Variants in SLC1A3 observed in about 807,000 individuals in gnomAD.
SLC1A3 encodes the protein excitatory amino acid transporter 1.
Under a neutral mutation model 48.1 loss-of-function variants are expected in SLC1A3, and 21 were observed. The observed-to-expected ratio is 0.44, with a 90% confidence interval of 0.31 to 0.63. The LOEUF (loss-of-function observed/expected upper bound fraction) is 0.63. SLC1A3 is among the 20% of genes least tolerant of loss of function. The pLI is 0.08. For synonymous variants in SLC1A3, 239 were observed against 251.4 expected, an observed-to-expected ratio of 0.95 and a Z score of 0.47; for missense variants, 546 against 689.0, an observed-to-expected ratio of 0.79 and a Z score of 2.32.
chr5:36,667,452 C>T (rs1741796230), intron 3 of SLC1A3, among the ~76,000 whole-genome samples: 1 of 152,174 alleles, frequency 6.6e-6, no homozygotes, highest in African/African-American at 2.4e-5. Flanking sequence ...ACATGGGTGA[C>T]TCCTGGCTTG....
rs547233925 is a variant in SLC1A3 at position 36,627,255 on chromosome 5, T to A, written c.182-2195T>A. Among the ~76,000 whole-genome samples, 10 of 152,332 alleles carry A rather than the reference T, an allele frequency of 6.6e-5. No individual in the cohort carries two copies. In the South Asian group the frequency reaches 1.7e-3, roughly 25 times the overall value. On this transcript the variant is annotated intron_variant, in intron 2 of 9. Transcript: ENST00000265113. ...AGGAAAAATAGTCAACATCATTAGA[T>A]GTTAAGTAAATACAAAATAAAACAA...
At chr5:36,630,861 C>A (rs1169855189) in intron 3 of SLC1A3, among the ~76,000 whole-genome samples, 2 of 152,162 alleles carry the variant, frequency 1.3e-5, no homozygotes, top group Non-Finnish European at 2.9e-5. Flanking sequence ...ATAAAACAGT[C>A]CTGGAGTTGA....
At chr5:36,629,634 T>A (rs1282678297) in intron 3 of SLC1A3, 47 bp downstream of exon 3, 17 of 1,553,290 alleles carry the variant, frequency 1.1e-5, no homozygotes, top group Non-Finnish European at 1.5e-5. Context: ...TAAGTGTGTT[T>A]ATTGCAAAAG....
chr5:36,653,431 A>G (rs1334115785), intron 3 of SLC1A3, among the ~76,000 whole-genome samples: 1 of 152,168 alleles, frequency 6.6e-6, no homozygotes, highest in Non-Finnish European at 1.5e-5. Flanking sequence ...TAACTTATTT[A>G]TTGGTTCTGA....
At chr5:36,628,593 T>C (rs992538001) in intron 2 of SLC1A3, among the ~76,000 whole-genome samples, 5 of 152,216 alleles carry the variant, frequency 3.3e-5, no homozygotes, top group Admixed American at 6.5e-5. Context: ...GCAAGGAAAG[T>C]AAATTAGGTA....
At chr5:36,599,526 T>TTTTTTTTTTTC in intron 1 of SLC1A3, among the ~76,000 whole-genome samples, 1 of 144,884 alleles carries the variant, frequency 6.9e-6, no homozygotes, top group Non-Finnish European at 1.5e-5. Flanking sequence ...TTTTTTTTTT[T>TTTTTTTTTTTC]TGAGACGGAG....
chr5:36,620,084 G>C (rs185009990), intron 2 of SLC1A3, among the ~76,000 whole-genome samples: 1 of 152,304 alleles, frequency 6.6e-6, no homozygotes, highest in East Asian at 1.9e-4. Context: ...GCAGACCTAA[G>C]TTTGCCATCC....
chr5:36,619,264 T>G (rs1449138809), intron 2 of SLC1A3, among the ~76,000 whole-genome samples: 1 of 152,094 alleles, frequency 6.6e-6, no homozygotes, highest in Non-Finnish European at 1.5e-5. Flanking sequence ...CGCCTGAAAG[T>G]TTGACAGAAA....
rs913989808 is a variant in SLC1A3, at chr5:36,688,075, G to A, written c.*1806G>A. 3.9e-5 allele frequency: 6 copies of A among 152,120 alleles called. No individual in the cohort carries two copies. Among genetic ancestry groups the A allele is most frequent in the Non-Finnish European group, 7.4e-5 (5 of 68,026 alleles). 9.4% of individuals were successfully genotyped at this position (152,120 alleles called of 1,614,324 possible). A position where few individuals can be genotyped will look rare whatever the true frequency, so the allele number is the denominator to read the frequency against. ...CCATTTAATGTCGAGGCTCTATTTC[G>A]GAAATACACTACAAATGTTAAAGTA... is the stretch of plus-strand genomic sequence containing the variant. On this transcript the variant is annotated 3_prime_UTR_variant, in exon 10 of 10. Transcript: ENST00000265113.
At chr5:36,622,808 G>A (rs1175493899) in intron 2 of SLC1A3, among the ~76,000 whole-genome samples, 2 of 151,826 alleles carry the variant, frequency 1.3e-5, no homozygotes, top group Admixed American at 6.6e-5. Flanking sequence ...TCAGGAGATC[G>A]AGACCATCTT....
intron 3 of SLC1A3, among the ~76,000 whole-genome samples, chr5:36,656,739 A>T (rs1409545701): frequency 6.6e-6 from 1 of 152,212 alleles, no homozygotes; most frequent in Admixed American, 6.5e-5. Context: ...CACCTGCTGA[A>T]TTTGCAGAAT....
chr5:36,600,963 A>C (rs1738801607), intron 1 of SLC1A3, among the ~76,000 whole-genome samples: 1 of 152,124 alleles, frequency 6.6e-6, no homozygotes, highest in Non-Finnish European at 1.5e-5. Context: ...TCAACCCAAA[A>C]CTGCATTTTC....
intron 2 of SLC1A3, chr5:36,612,725 T>C (rs1279588160): frequency 4.5e-6 from 2 of 447,572 alleles, no homozygotes; most frequent in Admixed American, 4.9e-5. Context: ...GGGAGGTAAT[T>C]TTATTACTCT....
At chr5:36,658,956 T>G (rs1432487213) in intron 3 of SLC1A3, among the ~76,000 whole-genome samples, 1 of 151,782 alleles carries the variant, frequency 6.6e-6, no homozygotes, top group Non-Finnish European at 1.5e-5. Flanking sequence ...CAGTAGCCAC[T>G]CACCATGACT....
chr5:36,626,771 A>G (rs1739921863), intron 2 of SLC1A3, among the ~76,000 whole-genome samples: 1 of 152,254 alleles, frequency 6.6e-6, no homozygotes. Context: ...AGATATAACC[A>G]AAGTATTTTA....
upstream of SLC1A3, chr5:36,606,285 T>C (rs1161535729): frequency 3.3e-5 from 5 of 152,254 alleles, no homozygotes; most frequent in Admixed American, 3.3e-4. Context: ...TAATGTGAGG[T>C]AATTAAATTT....
At chr5:36,646,741 G>T (rs770836821) in intron 3 of SLC1A3, among the ~76,000 whole-genome samples, 1 of 152,158 alleles carries the variant, frequency 6.6e-6, no homozygotes, top group African/African-American at 2.4e-5. Flanking sequence ...AATAGTTTGC[G>T]GTGTCATATT....
At chr5:36,647,616 C>G (rs949004655) in intron 3 of SLC1A3, among the ~76,000 whole-genome samples, 2 of 152,152 alleles carry the variant, frequency 1.3e-5, no homozygotes, top group Admixed American at 1.3e-4. Context: ...GCCATTCCAC[C>G]TATCAGTCTT....
At position 36,679,838 on chromosome 5, in the gene SLC1A3, A is replaced by T; in HGVS notation, c.1072A>T (p.Thr358Ser). Residue 358 changes from threonine (T) to serine (S), a missense_variant, in exon 7 of 10, where the codon ACC becomes TCC. This residue lies in a region of SLC1A3 where 142 missense variants were observed against 238.0 expected (regional missense o/e 0.60). Coordinates refer to ENST00000265113, the MANE Select transcript of SLC1A3 (RefSeq NM_004172.5). ...TGGAGGGTTGCTGCAAGCACTCATC[A>T]CCGCTCTGGGGACCTCTTCAAGGTA... ...FIGGLLQALITALGTSSSSAT... is the reference protein window; with the variant it reads ...FIGGLLQALISALGTSSSSAT... The T allele has an allele frequency of 1.2e-6, 2 of 1,613,820 alleles. No homozygotes were observed. The highest frequency in any genetic ancestry group is 1.7e-6 in the Non-Finnish European group (2 of 1,179,696).
Sources: allele counts gnomAD v4.1 joint callset (sites outside exome capture counted in the v4.1 genomes callset), GRCh38; gene constraint gnomAD v4.1.1; regional missense constraint gnomAD v4.1.1; transcripts MANE v1.5; gene names NCBI Gene and HGNC (gene_info 2026-07-23, HGNC 2026-07-21).